Variants in TNS3 observed in about 807,000 individuals in gnomAD.
TNS3 encodes the protein tensin 3.
A neutral mutation model predicts 140.9 loss-of-function variants in TNS3; 45 were observed. The observed-to-expected ratio is 0.32, with a 90% confidence interval of 0.25 to 0.41. The LOEUF (loss-of-function observed/expected upper bound fraction) is 0.41. Ranked by LOEUF, TNS3 falls within the 10% of genes least tolerant of loss-of-function variation. The pLI, the probability that TNS3 is intolerant of heterozygous loss-of-function variation, is 1.00. For synonymous variants in TNS3, 815 were observed against 788.4 expected, an observed-to-expected ratio of 1.03 and a Z score of -0.56; for missense variants, 1,716 against 1,906.7, an observed-to-expected ratio of 0.90 and a Z score of 1.86.
intron 2 of TNS3, among the ~76,000 whole-genome samples, chr7:47,521,978 G>A (rs914205306): frequency 1.3e-5 from 2 of 152,158 alleles, no homozygotes; most frequent in Non-Finnish European, 2.9e-5. Context: ...AGGAGGAATG[G>A]GAGGTCTGCA....
At chr7:47,310,580 C>A (rs1263285135) in intron 20 of TNS3, among the ~76,000 whole-genome samples, 2 of 152,040 alleles carry the variant, frequency 1.3e-5, no homozygotes, top group Non-Finnish European at 2.9e-5. Flanking sequence ...GGAAACATGA[C>A]AAATGAAAAC....
intron 2 of TNS3, among the ~76,000 whole-genome samples, chr7:47,512,780 T>C (rs17172873): frequency 0.016 from 2,481 of 152,314 alleles, 76 homozygotes; most frequent in African/African-American, 0.057. Flanking sequence ...GATGCATCAA[T>C]CATAGAACTG....
chr7:47,506,113 C>G (rs1420584142), intron 3 of TNS3, among the ~76,000 whole-genome samples: 2 of 152,200 alleles, frequency 1.3e-5, no homozygotes, highest in African/African-American at 2.4e-5. Context: ...CCTGTCAGGG[C>G]ACCTACAGAG....
chr7:47,425,950 A>G (rs80040206), intron 9 of TNS3, among the ~76,000 whole-genome samples: 1,604 of 152,252 alleles, frequency 0.011, 29 homozygotes, highest in African/African-American at 0.036. Flanking sequence ...AATGATCAAA[A>G]ATATATGTAT....
intron 16 of TNS3, among the ~76,000 whole-genome samples, chr7:47,385,075 CG>C (rs1259296720): frequency 6.6e-6 from 1 of 152,208 alleles, no homozygotes; most frequent in Non-Finnish European, 1.5e-5. Context: ...GGTCAAGTGA[CG>C]CCACAGCCAG....
intron 1 of TNS3, among the ~76,000 whole-genome samples, chr7:47,571,217 C>T (rs921405654): frequency 6.6e-6 from 1 of 152,206 alleles, no homozygotes; most frequent in Non-Finnish European, 1.5e-5. Flanking sequence ...GAAAGAACCT[C>T]GGGTACACAG....
chr7:47,280,462 A>G (rs527784274), intron 28 of TNS3, 108 bp from the exon 29 acceptor site: 1 of 999,814 alleles, frequency 1.0e-6, no homozygotes, highest in Non-Finnish European at 1.6e-6. Context: ...CCAGCAGAAA[A>G]CATTTCATAC....
chr7:47,422,871 AAAAAAAAAC>A (rs1433172243), intron 10 of TNS3, among the ~76,000 whole-genome samples: 1 of 53,172 alleles, frequency 1.9e-5, no homozygotes, highest in Non-Finnish European at 4.4e-5. Flanking sequence ...TAATGGTTCC[AAAAAAAAAC>A]AAAAAAAAAA....
At chr7:47,430,412 G>A (rs1396843592) in intron 8 of TNS3, among the ~76,000 whole-genome samples, 2 of 152,088 alleles carry the variant, frequency 1.3e-5, no homozygotes, top group African/African-American at 4.8e-5. Flanking sequence ...TTACAGGCAT[G>A]AGCCACTGCA....
intron 2 of TNS3, among the ~76,000 whole-genome samples, chr7:47,510,432 A>G (rs1011221321): frequency 6.6e-6 from 1 of 152,162 alleles, no homozygotes; most frequent in Non-Finnish European, 1.5e-5. Context: ...TTCTCAGGGG[A>G]TGTCATTTTT....
intron 1 of TNS3, among the ~76,000 whole-genome samples, chr7:47,574,372 G>T (rs915470669): frequency 5.3e-5 from 8 of 151,954 alleles, no homozygotes; most frequent in African/African-American, 1.9e-4. Context: ...TTTTTACCCT[G>T]GGGGTGATAA....
At position 47,277,877 on chromosome 7, in the gene TNS3, T is replaced by C. The variant is rs893813852; in HGVS notation, c.*199A>G. ...CATGTGGCTACAGAGATGTGTCAGATAAGTCACTTTCAGGAAAGGCCAATT... is the reference window on the plus strand; with the variant it reads ...CATGTGGCTACAGAGATGTGTCAGACAAGTCACTTTCAGGAAAGGCCAATT... On this transcript the variant is annotated 3_prime_UTR_variant, in exon 31 of 31. Transcript: ENST00000311160. 6.0e-5 allele frequency: 42 copies of C among 703,312 alleles called. No homozygotes were observed. The highest frequency in any genetic ancestry group is 9.4e-5 in the Non-Finnish European group (37 of 395,318). 43.6% of individuals were successfully genotyped at this position (703,312 alleles called of 1,614,324 possible).
chr7:47,285,949 C>T (rs1785396956), intron 27 of TNS3, among the ~76,000 whole-genome samples: 1 of 152,138 alleles, frequency 6.6e-6, no homozygotes, highest in Non-Finnish European at 1.5e-5. Context: ...GAATAAAAAC[C>T]ACGTCTGCTA....
chr7:47,355,548 C>G (rs1242036706), intron 17 of TNS3, among the ~76,000 whole-genome samples: 2 of 152,300 alleles, frequency 1.3e-5, no homozygotes, highest in African/African-American at 4.8e-5. Flanking sequence ...GCCTGGGGGT[C>G]AGCACTGTTG....
chr7:47,442,356 C>T (rs1795508115), intron 4 of TNS3, among the ~76,000 whole-genome samples: 1 of 152,166 alleles, frequency 6.6e-6, no homozygotes, highest in Non-Finnish European at 1.5e-5. Context: ...AGTGCCCTGC[C>T]CTCCAACACA....
chr7:47,387,528 G>A (rs749691509), intron 16 of TNS3, among the ~76,000 whole-genome samples: 2 of 152,192 alleles, frequency 1.3e-5, no homozygotes, highest in Non-Finnish European at 2.9e-5. Context: ...TCCATGTAAG[G>A]GTCCCTGTCC....
At chr7:47,541,859 G>A (rs542685398) in intron 1 of TNS3, among the ~76,000 whole-genome samples, 2 of 151,770 alleles carry the variant, frequency 1.3e-5, no homozygotes, top group South Asian at 4.2e-4. Context: ...TGAGGCAGAA[G>A]AATGGCATGA....
intron 16 of TNS3, among the ~76,000 whole-genome samples, chr7:47,374,754 G>T (rs1286519811): frequency 6.6e-6 from 1 of 152,198 alleles, no homozygotes; most frequent in African/African-American, 2.4e-5. Flanking sequence ...CTGATAATAT[G>T]GTTCTGGTTT....
At chr7:47,556,351 TCC>T (rs1800195491) in intron 1 of TNS3, among the ~76,000 whole-genome samples, 2 of 152,164 alleles carry the variant, frequency 1.3e-5, no homozygotes, top group Non-Finnish European at 2.9e-5. Context: ...AGAGTCCTCA[TCC>T]TGAGACACAC....
Sources: allele counts gnomAD v4.1 joint callset (sites outside exome capture counted in the v4.1 genomes callset), GRCh38; gene constraint gnomAD v4.1.1; transcripts MANE v1.5; gene names NCBI Gene and HGNC (gene_info 2026-07-23, HGNC 2026-07-21).